EML1: variants seen among roughly 807,000 people sequenced by gnomAD.
EML1 encodes EMAP like 1, also known as echinoderm microtubule-associated protein-like 1.
Under a neutral mutation model 110.4 loss-of-function variants are expected in EML1, and 27 were observed. That is an observed-to-expected ratio of 0.24 (90% CI 0.18 to 0.34). The LOEUF (loss-of-function observed/expected upper bound fraction) is 0.34, where lower values mean the gene tolerates loss of function less well. EML1 is among the 10% of genes least tolerant of loss of function. EML1 has a pLI of 1.00. For missense variants in EML1, 741 were observed against 1,030.9 expected (o/e 0.72, Z 3.85); for synonymous variants, 344 against 385.8 (o/e 0.89, Z 1.27).
intron 1 of EML1, among the ~76,000 whole-genome samples, chr14:99,837,586 C>T (rs973240388): frequency 1.8e-4 from 27 of 152,096 alleles, no homozygotes; most frequent in African/African-American, 3.9e-4. Flanking sequence ...AACCTTAAAC[C>T]GTTGTAGCTC....
intron 16 of EML1, among the ~76,000 whole-genome samples, chr14:99,920,515 T>G (rs1318475592): frequency 6.6e-6 from 1 of 152,208 alleles, no homozygotes; most frequent in African/African-American, 2.4e-5. Context: ...TCTCTCCATG[T>G]GTAAATGACA....
At chr14:99,761,828 G>A (rs1468704329) in intron 1 of EML1, among the ~76,000 whole-genome samples, 3 of 151,380 alleles carry the variant, frequency 2.0e-5, no homozygotes, top group Admixed American at 6.6e-5. Flanking sequence ...GGGAGGCTGA[G>A]GAATGAGAAT....
chr14:99,919,870 G>T (rs2060100983), intron 16 of EML1, among the ~76,000 whole-genome samples: 1 of 152,162 alleles, frequency 6.6e-6, no homozygotes, highest in African/African-American at 2.4e-5. Context: ...ACAGTGCCTG[G>T]CTAGGGGGGC....
intron 4 of EML1, among the ~76,000 whole-genome samples, chr14:99,886,895 T>C (rs937890016): frequency 1.3e-5 from 2 of 152,222 alleles, no homozygotes; most frequent in African/African-American, 4.8e-5. Flanking sequence ...AGGAGCTTTA[T>C]CAGATGAGTA....
upstream of EML1, chr14:99,793,242 GGCCC>G (rs2057701165): frequency 1.3e-6 from 1 of 748,680 alleles, no homozygotes. Flanking sequence ...TCCCCCTCCC[GGCCC>G]GGGCCCCGCG....
intron 1 of EML1, among the ~76,000 whole-genome samples, chr14:99,840,991 G>A (rs895089510): frequency 3.3e-5 from 5 of 152,196 alleles, no homozygotes; most frequent in African/African-American, 1.2e-4. Context: ...TGCGGGTGAT[G>A]TAGGGGCTGC....
chr14:99,872,254 C>T (rs1334402298), intron 3 of EML1, among the ~76,000 whole-genome samples: 1 of 152,138 alleles, frequency 6.6e-6, no homozygotes, highest in Non-Finnish European at 1.5e-5. Context: ...TATGAAAGGG[C>T]TCCTAGGTGG....
chr14:99,934,172 A>G (rs747418168), intron 17 of EML1, among the ~76,000 whole-genome samples: 6 of 152,186 alleles, frequency 3.9e-5, no homozygotes, highest in Non-Finnish European at 7.3e-5. Context: ...TTTTGTGTTT[A>G]TTGCGGTCAT....
chr14:99,788,309 G>A (rs1377615113), intron 1 of EML1, among the ~76,000 whole-genome samples: 3 of 152,152 alleles, frequency 2.0e-5, no homozygotes, highest in Admixed American at 1.3e-4. Flanking sequence ...AACAAGAAAT[G>A]CCTTGTATTA....
At chr14:99,826,647 TAAC>T (rs940829929) in intron 1 of EML1, among the ~76,000 whole-genome samples, 2 of 151,794 alleles carry the variant, frequency 1.3e-5, no homozygotes, top group Non-Finnish European at 2.9e-5. Context: ...GTTCATTGAC[TAAC>T]GCCACTGCTG....
intron 1 of EML1, among the ~76,000 whole-genome samples, chr14:99,818,575 C>T (rs925060411): frequency 6.6e-6 from 1 of 152,142 alleles, no homozygotes; most frequent in Non-Finnish European, 1.5e-5. Context: ...ATGCGAACTT[C>T]ATGTATCATA....
intron 1 of EML1, among the ~76,000 whole-genome samples, chr14:99,831,660 C>T (rs2058456097): frequency 6.6e-6 from 1 of 152,154 alleles, no homozygotes; most frequent in Non-Finnish European, 1.5e-5. Context: ...AAATCTGCTG[C>T]AACCTATAGA....
In EML1 at chr14:99,847,292, G is replaced by T. The variant is rs375072693; in HGVS notation, c.68-3561G>T. On this transcript the variant is annotated intron_variant, in intron 1 of 21. Coordinates refer to ENST00000262233, the MANE Select transcript of EML1 (RefSeq NM_004434.3). The stretch of plus-strand genomic sequence containing the variant: ...TATTGTTAGCTACCGTTTTCTCTAC[G>T]TATCAGTTAAGTCAACACGGTTTAT... 7.4e-4 allele frequency among the ~76,000 whole-genome samples: 113 copies of T among 152,250 alleles called. 1 individual carries two copies. Among genetic ancestry groups the T allele is most frequent in the African/African-American group, 2.6e-3 (108 of 41,558 alleles).
chr14:99,845,170 A>G (rs568730758), intron 1 of EML1, among the ~76,000 whole-genome samples: 2 of 152,322 alleles, frequency 1.3e-5, no homozygotes, highest in Non-Finnish European at 2.9e-5. Flanking sequence ...TTCTCACTGC[A>G]CTTGCTTTTG....
intron 2 of EML1, among the ~76,000 whole-genome samples, chr14:99,856,789 G>T (rs1048311712): frequency 6.6e-6 from 1 of 152,118 alleles, no homozygotes; most frequent in Admixed American, 6.5e-5. Flanking sequence ...TCTCAAATGT[G>T]TACAAAAGTA....
At chr14:99,843,424 A>AAACAACAAC (rs59818798) in intron 1 of EML1, among the ~76,000 whole-genome samples, 1 of 151,620 alleles carries the variant, frequency 6.6e-6, no homozygotes, top group African/African-American at 2.4e-5. Context: ...TTTTTATTGG[A>AAACAACAAC]AACAACAATA....
chr14:99,917,979 G>A, intron 16 of EML1, 130 bp downstream of exon 16: 1 of 889,500 alleles, frequency 1.1e-6, no homozygotes, highest in South Asian at 1.7e-5. Context: ...GACTTACCAA[G>A]AATTAAGTTA....
chr14:99,846,280 G>GTT (rs1434691850), intron 1 of EML1, among the ~76,000 whole-genome samples: 1 of 117,738 alleles, frequency 8.5e-6, no homozygotes, highest in African/African-American at 3.0e-5. Context: ...TCCAGCTGGT[G>GTT]ATTTTTTTTT....
At chr14:99,777,408 T>C (rs1490922528) in intron 1 of EML1, among the ~76,000 whole-genome samples, 2 of 152,110 alleles carry the variant, frequency 1.3e-5, no homozygotes, top group East Asian at 1.9e-4. Flanking sequence ...TACCTTTCTT[T>C]CTTTTTTTGT....
Sources: allele counts gnomAD v4.1 joint callset (sites outside exome capture counted in the v4.1 genomes callset), GRCh38; gene constraint gnomAD v4.1.1; transcripts MANE v1.5; gene names NCBI Gene and HGNC (gene_info 2026-07-23, HGNC 2026-07-21).